GRM7: variants seen among roughly 807,000 people sequenced by gnomAD.
The protein encoded by GRM7 is metabotropic glutamate receptor 7.
GRM7 carries 35 observed loss-of-function variants against 84.5 expected under a neutral mutation model. The observed-to-expected ratio is 0.41, with a 90% CI of 0.32 to 0.55. GRM7 has a LOEUF of 0.55. Ranked by LOEUF, GRM7 falls within the 20% of genes least tolerant of loss-of-function variation. The pLI, the probability that GRM7 is intolerant of heterozygous loss-of-function variation, is 0.19. For synonymous variants in GRM7, 487 were observed against 455.1 expected (o/e 1.07, Z -0.89); for missense variants, 1,003 against 1,194.6 (o/e 0.84, Z 2.36).
chr3:7,407,524 G>A (rs1695734656), intron 4 of GRM7, among the ~76,000 whole-genome samples: 2 of 152,140 alleles, frequency 1.3e-5, no homozygotes, highest in Admixed American at 6.5e-5. Flanking sequence ...TGCATTTACT[G>A]AACCATTTTA....
intron 6 of GRM7, among the ~76,000 whole-genome samples, chr3:7,453,113 A>C (rs1697846999): frequency 6.6e-6 from 1 of 151,368 alleles, no homozygotes; most frequent in Non-Finnish European, 1.5e-5. Context: ...GGAAAGGAGC[A>C]GTTGCTGTAG....
In GRM7 at chr3:7,335,215, T is replaced by C. The variant is rs191725898; in HGVS notation, c.1033+28563T>C. ...ATAATCTAAATTTTATCAAGTACTC[T>C]CTCAGACCACAGTGAAATAAAATTG... On this transcript the variant is annotated intron_variant, in intron 4 of 9. Transcript: ENST00000357716. 1.6e-3 allele frequency among the ~76,000 whole-genome samples: 244 copies of C among 152,286 alleles called. 1 individual carries two copies. Among genetic ancestry groups the C allele is most frequent in the Non-Finnish European group, 2.7e-3 (184 of 68,002 alleles).
At chr3:7,181,711 T>C (rs990879243) in intron 2 of GRM7, among the ~76,000 whole-genome samples, 1 of 152,114 alleles carries the variant, frequency 6.6e-6, no homozygotes, top group Non-Finnish European at 1.5e-5. Flanking sequence ...CGGGCTCAAG[T>C]CATCCTCTTG....
intron 1 of GRM7, among the ~76,000 whole-genome samples, chr3:7,021,518 G>A (rs146452916): frequency 6.6e-6 from 1 of 152,278 alleles, no homozygotes; most frequent in African/African-American, 2.4e-5. Context: ...AAACTGTGGT[G>A]CATAATTCTC....
intron 8 of GRM7, among the ~76,000 whole-genome samples, chr3:7,609,652 G>A (rs1239408415): frequency 6.6e-6 from 1 of 152,154 alleles, no homozygotes; most frequent in African/African-American, 2.4e-5. Flanking sequence ...ATGAAGGCCA[G>A]GGAAGGAGAT....
At chr3:7,728,008 T>C (rs927278867) in intron 9 of GRM7, among the ~76,000 whole-genome samples, 2 of 152,212 alleles carry the variant, frequency 1.3e-5, no homozygotes, top group Non-Finnish European at 2.9e-5. Context: ...TCTCTTTTCC[T>C]AGCCAGGAAT....
intron 2 of GRM7, among the ~76,000 whole-genome samples, chr3:7,273,751 T>C (rs1262313619): frequency 6.6e-6 from 1 of 151,784 alleles, no homozygotes; most frequent in African/African-American, 2.4e-5. Context: ...AAAGTGGGTT[T>C]TGTGTGTTTG....
chr3:7,471,532 C>T (rs945280786), intron 7 of GRM7, among the ~76,000 whole-genome samples: 1 of 152,140 alleles, frequency 6.6e-6, no homozygotes, highest in Non-Finnish European at 1.5e-5. Flanking sequence ...GGTCAAGTTC[C>T]TCTGAGCATC....
At chr3:7,321,172 A>G (rs765039295) in intron 4 of GRM7, among the ~76,000 whole-genome samples, 5 of 152,040 alleles carry the variant, frequency 3.3e-5, no homozygotes, top group Non-Finnish European at 4.4e-5. Context: ...AGAAAGATAT[A>G]GCTATATAAT....
intron 1 of GRM7, among the ~76,000 whole-genome samples, chr3:7,102,193 C>T (rs1160656387): frequency 6.6e-6 from 1 of 151,766 alleles, no homozygotes; most frequent in Non-Finnish European, 1.5e-5. Flanking sequence ...GCATTTCTTG[C>T]ATGCAGTTCT....
chr3:7,650,318 T>A (rs958924484), intron 8 of GRM7, among the ~76,000 whole-genome samples: 1 of 152,210 alleles, frequency 6.6e-6, no homozygotes, highest in African/African-American at 2.4e-5. Flanking sequence ...CCTCCCTTTC[T>A]GATCTGAACC....
At chr3:7,242,604 G>T (rs1317976330) in intron 2 of GRM7, among the ~76,000 whole-genome samples, 2 of 152,130 alleles carry the variant, frequency 1.3e-5, no homozygotes, top group East Asian at 3.9e-4. Context: ...AATATTGTAA[G>T]GGCCTTTAGG....
intron 1 of GRM7, among the ~76,000 whole-genome samples, chr3:7,011,163 A>G (rs1695356049): frequency 6.6e-6 from 1 of 152,218 alleles, no homozygotes. Context: ...AATCATAAAT[A>G]ATTTGTGAAA....
At chr3:7,599,259 T>A (rs1359394149) in intron 8 of GRM7, among the ~76,000 whole-genome samples, 3 of 152,178 alleles carry the variant, frequency 2.0e-5, no homozygotes, top group Non-Finnish European at 4.4e-5. Flanking sequence ...ATTGTAAAAT[T>A]AATGTTTGCC....
At chr3:7,142,893 G>A (rs1337553936) in intron 1 of GRM7, among the ~76,000 whole-genome samples, 1 of 152,032 alleles carries the variant, frequency 6.6e-6, no homozygotes, top group Non-Finnish European at 1.5e-5. Flanking sequence ...CTGTGCAATA[G>A]CCAAATTTTT....
At chr3:7,608,435 G>T (rs1049081196) in intron 8 of GRM7, among the ~76,000 whole-genome samples, 1 of 152,002 alleles carries the variant, frequency 6.6e-6, no homozygotes, top group Non-Finnish European at 1.5e-5. Flanking sequence ...CTGTGAGATG[G>T]TATCTCATTG....
chr3:7,519,064 T>C (rs1174712491), intron 7 of GRM7, among the ~76,000 whole-genome samples: 1 of 152,232 alleles, frequency 6.6e-6, no homozygotes, highest in African/African-American at 2.4e-5. Context: ...GAGGCCTGGA[T>C]AAGTTAAGTG....
Position 7,697,448 on chromosome 3 carries a change from G to A in GRM7, c.2698+17153G>A, listed in dbSNP as rs531090623. Among the ~76,000 whole-genome samples, 6 of 152,140 alleles carry A rather than the reference G, an allele frequency of 3.9e-5. No individual in the cohort carries two copies. In the East Asian group the frequency reaches 5.8e-4, roughly 15 times the overall value. ...ATTAGTGACAGAAGTTTTAGAACCC[G>A]TTCTGATCCCTTTATACCTCAGCAT... On this transcript the variant is annotated intron_variant, in intron 9 of 9. Coordinates refer to ENST00000357716, the MANE Select transcript of GRM7 (RefSeq NM_000844.4).
At chr3:7,055,671 C>A (rs899555655) in intron 1 of GRM7, among the ~76,000 whole-genome samples, 2 of 151,688 alleles carry the variant, frequency 1.3e-5, no homozygotes, top group Non-Finnish European at 2.9e-5. Context: ...CAGGCGTGCA[C>A]CACCACATCC....
Sources: gnomAD v4.1 joint callset for allele counts (sites outside exome capture counted in the v4.1 genomes callset) on GRCh38, gnomAD v4.1.1 for gene constraint, MANE v1.5 for transcripts, NCBI Gene and HGNC (gene_info 2026-07-23, HGNC 2026-07-21) for gene names.